FOXK2: variants seen among roughly 807,000 people sequenced by gnomAD.
FOXK2 encodes the protein forkhead box K2.
A neutral mutation model predicts 53.3 loss-of-function variants in FOXK2; 24 were observed. That is an observed-to-expected ratio of 0.45 (90% CI 0.33 to 0.63). FOXK2 has a LOEUF of 0.63. Ranked by LOEUF, FOXK2 falls within the 30% of genes least tolerant of loss-of-function variation. The pLI, the probability that FOXK2 is intolerant of heterozygous loss-of-function variation, is 0.03. For missense variants in FOXK2, 952 were observed against 910.5 expected, an observed-to-expected ratio of 1.05 and a Z score of -0.59; for synonymous variants, 505 against 407.1, an observed-to-expected ratio of 1.24 and a Z score of -2.89.
chr17:82,577,229 T>TC, intron 4 of FOXK2: 1 of 1,237,804 alleles, frequency 8.1e-7, no homozygotes, highest in Non-Finnish European at 1.2e-6. Context: ...TTTATTCTCT[T>TC]CCGTGTCTTC....
chr17:82,524,597 C>T (rs746804947), intron 1 of FOXK2, among the ~76,000 whole-genome samples: 7 of 152,132 alleles, frequency 4.6e-5, no homozygotes, highest in Admixed American at 3.9e-4. Flanking sequence ...CAAAGATTGT[C>T]AGGGTGTGTG....
At chr17:82,548,892 C>T (rs572066754) in intron 1 of FOXK2, among the ~76,000 whole-genome samples, 5 of 152,198 alleles carry the variant, frequency 3.3e-5, no homozygotes, top group East Asian at 1.9e-4. Flanking sequence ...GGTTGCGTCT[C>T]GATGCATCGG....
At chr17:82,552,421 C>T (rs1357221164) in intron 1 of FOXK2, among the ~76,000 whole-genome samples, 1 of 152,138 alleles carries the variant, frequency 6.6e-6, no homozygotes, top group Non-Finnish European at 1.5e-5. Flanking sequence ...GCAACTGTGT[C>T]CTAATGGCCG....
At chr17:82,588,440 CGGTTGG>C (rs2045218477) in intron 8 of FOXK2, 1 of 103,068 alleles carries the variant, frequency 9.7e-6, no homozygotes, top group Admixed American at 1.0e-4. Flanking sequence ...GGAGGGCAGG[CGGTTGG>C]AGGGCTGGCG....
At chr17:82,548,670 G>T (rs1427413717) in intron 1 of FOXK2, among the ~76,000 whole-genome samples, 1 of 152,104 alleles carries the variant, frequency 6.6e-6, no homozygotes, top group Non-Finnish European at 1.5e-5. Context: ...AAAGCATTTG[G>T]AGGCTACTGC....
intron 4 of FOXK2, 58 bp downstream of exon 4, chr17:82,571,928 A>T (rs1314307620): frequency 2.1e-6 from 3 of 1,456,318 alleles, no homozygotes; most frequent in African/African-American, 2.9e-5. Context: ...AAGAAAGTGG[A>T]GCGGCTGCTG....
intron 1 of FOXK2, among the ~76,000 whole-genome samples, chr17:82,541,090 C>A (rs1409370094): frequency 6.6e-6 from 1 of 152,076 alleles, no homozygotes. Context: ...CCTGTGTGAG[C>A]AGCTCCGTCT....
intron 4 of FOXK2, among the ~76,000 whole-genome samples, chr17:82,581,649 G>C (rs1482313663): frequency 6.6e-6 from 1 of 151,972 alleles, no homozygotes; most frequent in African/African-American, 2.4e-5. Flanking sequence ...CTAATTTTTC[G>C]TATTTTTAGT....
intron 1 of FOXK2, among the ~76,000 whole-genome samples, chr17:82,525,950 C>T (rs2044413756): frequency 6.7e-5 from 1 of 14,864 alleles, no homozygotes; most frequent in African/African-American, 7.9e-4. Flanking sequence ...ATGAATCCCA[C>T]ACTTACTTTC....
At chr17:82,568,642 C>A (rs568262400) in intron 3 of FOXK2, among the ~76,000 whole-genome samples, 1 of 152,226 alleles carries the variant, frequency 6.6e-6, no homozygotes, top group African/African-American at 2.4e-5. Flanking sequence ...TGACCTGGCA[C>A]GTTTGTATTC....
Position 82,585,901 on chromosome 17 carries a change from C to T in FOXK2, c.1280-3C>T, listed in dbSNP as rs1235964177. On this transcript the variant is annotated splice_polypyrimidine_tract_variant and splice_region_variant and intron_variant, in intron 6 of 8. Transcript: ENST00000335255. ...GTGTCAGTCCTGCTGTGTCTTTCAC[C>T]AGGGTCACCTCTGTCCAGTCAGCCA... The T allele has an allele frequency of 1.4e-5, 22 of 1,605,194 alleles. No homozygotes were observed. The highest frequency in any genetic ancestry group is 1.8e-5 in the Non-Finnish European group (21 of 1,173,810).
At chr17:82,556,392 C>G (rs1301145967) in intron 1 of FOXK2, among the ~76,000 whole-genome samples, 9 of 151,362 alleles carry the variant, frequency 5.9e-5, no homozygotes. Context: ...TGCAGTGAGC[C>G]AAGATTGTTC....
intron 4 of FOXK2, among the ~76,000 whole-genome samples, chr17:82,574,984 G>T (rs977674177): frequency 6.6e-6 from 1 of 152,262 alleles, no homozygotes; most frequent in Non-Finnish European, 1.5e-5. Flanking sequence ...CACAGAGCTT[G>T]TAGCTTGTCC....
chr17:82,553,448 C>T (rs1198116016), intron 1 of FOXK2, among the ~76,000 whole-genome samples: 5 of 152,284 alleles, frequency 3.3e-5, no homozygotes, highest in Admixed American at 3.3e-4. Flanking sequence ...AGACCTGCTG[C>T]TCCTGAGCTG....
chr17:82,584,069 C>G lies in FOXK2; in HGVS notation c.1160C>G (p.Ala387Gly), dbSNP rs1464611569. ...AGVLSAHSSGAQTPESLSREG... is the reference protein window; with the variant it reads ...AGVLSAHSSGGQTPESLSREG... ...GTGCTGTCTGCTCACTCTAGTGGCG[C>G]CCAGACCCCTGAGAGCCTGTCGAGG... Residue 387 changes from alanine (A) to glycine (G), a missense_variant, in exon 6 of 9, where the codon GCC becomes GGC. Physicochemically the swap from Ala to Gly is moderately conservative, Grantham distance 60 (BLOSUM62 0). Coordinates refer to ENST00000335255, the MANE Select transcript of FOXK2 (RefSeq NM_004514.4). 3 of 1,611,848 alleles carry G rather than the reference C, an allele frequency of 1.9e-6. No individual in the cohort carries two copies. Among genetic ancestry groups the G allele is most frequent in the Non-Finnish European group, 2.5e-6 (3 of 1,179,880 alleles).
chr17:82,538,778 C>T (rs903632087), intron 1 of FOXK2, among the ~76,000 whole-genome samples: 5 of 152,164 alleles, frequency 3.3e-5, no homozygotes, highest in Admixed American at 1.3e-4. Context: ...GCCTGGGGCT[C>T]ACCCCTTGGA....
intron 1 of FOXK2, among the ~76,000 whole-genome samples, chr17:82,549,207 T>G (rs2044653731): frequency 6.6e-6 from 1 of 152,214 alleles, no homozygotes; most frequent in Non-Finnish European, 1.5e-5. Flanking sequence ...GGATCTTAAG[T>G]GTGAGGGTGT....
chr17:82,599,141 A>C (rs1598243378), intron 8 of FOXK2: 1 of 124,390 alleles, frequency 8.0e-6, no homozygotes, highest in Non-Finnish European at 1.7e-5. Flanking sequence ...TTTGTCCCCC[A>C]GACTGGAGTG....
chr17:82,573,034 TAAAAA>T (rs892139568), intron 4 of FOXK2, among the ~76,000 whole-genome samples: 11 of 150,850 alleles, frequency 7.3e-5, no homozygotes, highest in Non-Finnish European at 1.5e-4. Context: ...CTACAAAAAA[TAAAAA>T]AAAATTAGCT....
Sources: gnomAD v4.1 joint callset for allele counts (sites outside exome capture counted in the v4.1 genomes callset) on GRCh38, gnomAD v4.1.1 for gene constraint, MANE v1.5 for transcripts, NCBI Gene and HGNC (gene_info 2026-07-23, HGNC 2026-07-21) for gene names.